Variants in DIS3L2 observed in about 807,000 individuals in gnomAD.
DIS3L2 encodes the protein DIS3 like 3'-5' exoribonuclease 2.
In DIS3L2, 34 loss-of-function variants were observed where a neutral mutation model predicts 97.5. The ratio of observed to expected loss-of-function variants is 0.35; its 90% CI spans 0.27 to 0.46. The LOEUF (loss-of-function observed/expected upper bound fraction) is 0.46. Among genes scored for constraint, DIS3L2 ranks in the 20% least tolerant of loss-of-function variants. The probability of loss-of-function intolerance (pLI) is 1.00; values close to 1 mark genes in which losing one functional copy is unlikely to be tolerated. For missense variants in DIS3L2, 1,038 were observed against 1,146.0 expected, an observed-to-expected ratio of 0.91 and a Z score of 1.36; for synonymous variants, 435 against 445.2, an observed-to-expected ratio of 0.98 and a Z score of 0.29.
In DIS3L2 at chr2:232,117,211, C is replaced by T. The variant is rs565345244; in HGVS notation, c.602-13408C>T. On this transcript the variant is annotated intron_variant, in intron 6 of 20. Coordinates refer to ENST00000325385, the MANE Select transcript of DIS3L2 (RefSeq NM_152383.5). ...TAGTGGGGCCAGGATCCAAACCTGC[C>T]TGGCTAGCTCTGTTCACCTCTCCAT... 3.9e-5 allele frequency among the ~76,000 whole-genome samples: 6 copies of T among 152,304 alleles called. No individual in the cohort carries two copies. In the South Asian group the frequency reaches 1.0e-3, roughly 26 times the overall value.
At chr2:232,182,265 TC>T (rs2106185133) in intron 9 of DIS3L2, among the ~76,000 whole-genome samples, 1 of 152,344 alleles carries the variant, frequency 6.6e-6, no homozygotes, top group South Asian at 2.1e-4. Context: ...GCTATTAATT[TC>T]TAATTCCATT....
chr2:232,330,070 C>T (rs1233424111), intron 15 of DIS3L2, 74 bp downstream of exon 15: 1 of 1,507,132 alleles, frequency 6.6e-7, no homozygotes, highest in Non-Finnish European at 8.9e-7. Flanking sequence ...GTGGGGTGGT[C>T]CAGCGGCCTC....
At chr2:231,982,316 C>G (rs988888345) in intron 1 of DIS3L2, among the ~76,000 whole-genome samples, 1 of 152,196 alleles carries the variant, frequency 6.6e-6, no homozygotes, top group South Asian at 2.1e-4. Flanking sequence ...CACTTACTTA[C>G]AGCATGGTAG....
intron 6 of DIS3L2, among the ~76,000 whole-genome samples, chr2:232,091,883 C>G (rs965372963): frequency 1.3e-5 from 2 of 152,146 alleles, no homozygotes; most frequent in Admixed American, 1.3e-4. Context: ...TTTTGACTTG[C>G]ATTTCTCTGA....
rs1693911625 is a variant in DIS3L2 at position 232,268,785 on chromosome 2, A to G, written c.1659+5345A>G. 6.6e-6 allele frequency among the ~76,000 whole-genome samples: 1 copy of G among 152,256 alleles called. No individual in the cohort carries two copies. The highest frequency in any genetic ancestry group is 1.5e-5 in the Non-Finnish European group (1 of 68,050). ...AGCTAGCAATTCAGCCCTGCTATCCAGTGAGCTTTTAGCAGCTCATCATCA... is the reference window on the plus strand; with the variant it reads ...AGCTAGCAATTCAGCCCTGCTATCCGGTGAGCTTTTAGCAGCTCATCATCA... On this transcript the variant is annotated intron_variant, in intron 13 of 20. Transcript: ENST00000325385. The surrounding 1 kb of genome is among the most constrained non-coding windows in gnomAD (Gnocchi z 4.1).
At chr2:232,018,957 T>C (rs1344898163) in intron 3 of DIS3L2, among the ~76,000 whole-genome samples, 2 of 152,102 alleles carry the variant, frequency 1.3e-5, no homozygotes, top group African/African-American at 4.8e-5. Context: ...GAGAGGTTGT[T>C]ATAGGAGATG....
intron 1 of DIS3L2, among the ~76,000 whole-genome samples, chr2:231,966,191 C>T (rs1209336459): frequency 7.1e-6 from 1 of 140,354 alleles, no homozygotes; most frequent in Admixed American, 7.1e-5. Context: ...TTTTTTGAGA[C>T]AGAGACTTAC....
chr2:232,122,541 AC>A (rs1429213234), intron 6 of DIS3L2, among the ~76,000 whole-genome samples: 2 of 152,206 alleles, frequency 1.3e-5, no homozygotes, highest in Non-Finnish European at 1.5e-5. Flanking sequence ...ACATGGTGAA[AC>A]CCTGTCTCTA....
At chr2:232,052,911 A>G (rs1383009693) in intron 5 of DIS3L2, among the ~76,000 whole-genome samples, 1 of 152,190 alleles carries the variant, frequency 6.6e-6, no homozygotes, top group African/African-American at 2.4e-5. Context: ...CCTACTATGA[A>G]TGACTCCCAC....
intron 12 of DIS3L2, among the ~76,000 whole-genome samples, chr2:232,257,946 A>C (rs1372744795): frequency 6.6e-6 from 1 of 152,122 alleles, no homozygotes; most frequent in African/African-American, 2.4e-5. Flanking sequence ...GCCACTTAGG[A>C]GTTTGTATGA....
chr2:232,051,418 A>T (rs966158474), intron 5 of DIS3L2, among the ~76,000 whole-genome samples: 9 of 152,196 alleles, frequency 5.9e-5, no homozygotes, highest in Admixed American at 3.9e-4. Flanking sequence ...AAAGGATAGG[A>T]TTGTTTATTG....
At chr2:232,321,196 G>A (rs1391473854) in intron 14 of DIS3L2, among the ~76,000 whole-genome samples, 1 of 152,162 alleles carries the variant, frequency 6.6e-6, no homozygotes, top group South Asian at 2.1e-4. Flanking sequence ...CCTGCGGGGG[G>A]CCAGGGAGTG....
chr2:231,967,824 TA>T (rs1692766890), intron 1 of DIS3L2, among the ~76,000 whole-genome samples: 1 of 152,190 alleles, frequency 6.6e-6, no homozygotes, highest in Non-Finnish European at 1.5e-5. Context: ...CAATTTTTAA[TA>T]AATGAATTAG....
intron 12 of DIS3L2, among the ~76,000 whole-genome samples, chr2:232,255,022 C>G (rs1693521359): frequency 6.6e-6 from 1 of 152,196 alleles, no homozygotes; most frequent in Admixed American, 6.5e-5. Flanking sequence ...CTCTTACCCA[C>G]AATCAAGATG....
chr2:231,996,821 G>C (rs1693745819), intron 1 of DIS3L2, among the ~76,000 whole-genome samples: 1 of 152,166 alleles, frequency 6.6e-6, no homozygotes, highest in South Asian at 2.1e-4. Context: ...TGAACATGCT[G>C]AGATTGTTCC....
chr2:232,125,565 G>T (rs1008052221), intron 6 of DIS3L2, among the ~76,000 whole-genome samples: 1 of 152,152 alleles, frequency 6.6e-6, no homozygotes, highest in African/African-American at 2.4e-5. Flanking sequence ...TTTACCCATA[G>T]TATAAGTTGT....
rs1372930951 is a variant in DIS3L2 at position 232,335,996 on chromosome 2, G to A, written c.2496+122G>A. 1.7e-5 allele frequency: 26 copies of A among 1,526,624 alleles called. No individual in the cohort carries two copies. In the South Asian group the frequency reaches 2.9e-4, roughly 17 times the overall value. 94.6% of individuals were successfully genotyped at this position (1,526,624 alleles called of 1,614,324 possible). A position where few individuals can be genotyped will look rare whatever the true frequency, so the allele number is the denominator to read the frequency against. ...CCCCCAGCACTGCAGCCTCCCGGGT[G>A]GGGTTTTAGGGCCCTCCCAGCTCAC... On this transcript the variant is annotated intron_variant, in intron 20 of 20. Coordinates refer to ENST00000325385, the MANE Select transcript of DIS3L2 (RefSeq NM_152383.5).
chr2:232,196,923 G>A (rs1344227869), intron 9 of DIS3L2, among the ~76,000 whole-genome samples: 1 of 151,928 alleles, frequency 6.6e-6, no homozygotes, highest in Non-Finnish European at 1.5e-5. Flanking sequence ...CTGAAAAATA[G>A]GGGTGGCTTA....
At chr2:232,058,641 C>A (rs1156717615) in intron 5 of DIS3L2, among the ~76,000 whole-genome samples, 2 of 152,154 alleles carry the variant, frequency 1.3e-5, no homozygotes, top group African/African-American at 4.8e-5. Flanking sequence ...CAAATTTTCC[C>A]AGACTCATAC....
Sources: gnomAD v4.1 joint callset for allele counts (sites outside exome capture counted in the v4.1 genomes callset) on GRCh38, gnomAD v4.1.1 for gene constraint, Gnocchi (gnomAD v3.1) non-coding constraint, MANE v1.5 for transcripts, NCBI Gene and HGNC (gene_info 2026-07-23, HGNC 2026-07-21) for gene names.